Variants in LPP observed in about 807,000 individuals in gnomAD.
LPP encodes the protein lipoma-preferred partner.
Under a neutral mutation model 60.4 loss-of-function variants are expected in LPP, and 38 were observed. The observed-to-expected ratio is 0.63, with a 90% CI of 0.49 to 0.83. LPP has a LOEUF of 0.83. LPP is among the 40% of genes least tolerant of loss of function. The pLI, the probability that LPP is intolerant of heterozygous loss-of-function variation, is 0.00. For synonymous variants in LPP, 328 were observed against 290.8 expected (o/e 1.13, Z -1.30); for missense variants, 902 against 783.6 (o/e 1.15, Z -1.80).
chr3:188,280,723 C>T (rs570677485), intron 2 of LPP, among the ~76,000 whole-genome samples: 3 of 152,100 alleles, frequency 2.0e-5, no homozygotes, highest in East Asian at 3.9e-4. Flanking sequence ...AACCAGTTCC[C>T]GTTTTGTCTG....
In LPP at chr3:188,248,495, T is replaced by TATATAC. The variant is rs1358563921; in HGVS notation, c.-67+22971_-67+22972insTACATA. Among the ~76,000 whole-genome samples, 2 of 138,614 alleles carry TATATAC rather than the reference T, an allele frequency of 1.4e-5. 1 individual carries two copies. The highest frequency in any genetic ancestry group is 5.7e-5 in the African/African-American group (2 of 34,886). The allele number at this position is 138,614 out of a possible 152,430, so 90.9% of individuals were successfully genotyped here. A position where few individuals can be genotyped will look rare whatever the true frequency, so the allele number is the denominator to read the frequency against. The stretch of plus-strand genomic sequence containing the variant: ...ATATATATATATATATATATATATA[T>TATATAC]ATACAGTCAGCAGAGCTTGTTTTGG... On this transcript the variant is annotated intron_variant, in intron 2 of 11. Transcript: ENST00000617246.
chr3:188,154,435 G>A (rs1466483504), intron 1 of LPP, among the ~76,000 whole-genome samples, 183 bp downstream of exon 1: 1 of 152,266 alleles, frequency 6.6e-6, no homozygotes, highest in Non-Finnish European at 1.5e-5. Flanking sequence ...CGCCATGGGG[G>A]AGGGGGACCC....
chr3:188,631,723 C>G (rs1356872852), intron 7 of LPP, among the ~76,000 whole-genome samples: 2 of 152,130 alleles, frequency 1.3e-5, no homozygotes, highest in Non-Finnish European at 2.9e-5. Context: ...TCCCACAAAT[C>G]TGTGTCACAG....
In LPP at chr3:188,519,739, T is replaced by C. The variant is rs528941947; in HGVS notation, c.307-4926T>C. 3.9e-5 allele frequency among the ~76,000 whole-genome samples: 6 copies of C among 152,276 alleles called. No homozygotes were observed. In the South Asian group the frequency reaches 8.3e-4, roughly 21 times the overall value. ...AATCTAATTTATGTAGACAGAAAGC[T>C]AGTGTGATGAAATGGTGGCCACTGA... On this transcript the variant is annotated intron_variant, in intron 5 of 11. Coordinates refer to ENST00000617246, the MANE Select transcript of LPP (RefSeq NM_001375462.1).
intron 2 of LPP, among the ~76,000 whole-genome samples, chr3:188,289,271 T>A (rs534345731): frequency 6.6e-6 from 1 of 152,318 alleles, no homozygotes; most frequent in Non-Finnish European, 1.5e-5. Context: ...CAGACGTGGC[T>A]ATGAGCCCCA....
At chr3:188,331,267 G>C (rs970010284) in intron 2 of LPP, among the ~76,000 whole-genome samples, 2 of 151,862 alleles carry the variant, frequency 1.3e-5, no homozygotes, top group Non-Finnish European at 2.9e-5. Context: ...TCCCACTATT[G>C]GGCTGCTAAA....
At chr3:188,431,211 C>T (rs1790811052) in intron 4 of LPP, among the ~76,000 whole-genome samples, 1 of 152,030 alleles carries the variant, frequency 6.6e-6, no homozygotes. Context: ...TTGAGAACTA[C>T]CAAGAAATTT....
chr3:188,322,054 A>C (rs1757110892), intron 2 of LPP, among the ~76,000 whole-genome samples: 2 of 152,126 alleles, frequency 1.3e-5, no homozygotes, highest in South Asian at 4.1e-4. Flanking sequence ...GTAAAGGGGG[A>C]CAGAAAAGGA....
In LPP at chr3:188,707,027, A is replaced by G. The variant is rs182681240; in HGVS notation, c.1114-1240A>G. ...ATCACATAGCACAAAGCTACTTTAA[A>G]TCTAGTATATGGCCTTTATTCCTTT... is the stretch of plus-strand genomic sequence containing the variant. On this transcript the variant is annotated intron_variant, in intron 7 of 11. Transcript: ENST00000617246. Among the ~76,000 whole-genome samples the G allele has an allele frequency of 6.2e-3, 950 of 152,288 alleles. 6 individuals are homozygous for G. Among genetic ancestry groups the G allele is most frequent in the Non-Finnish European group, 8.9e-3 (607 of 68,018 alleles).
intron 7 of LPP, among the ~76,000 whole-genome samples, chr3:188,645,182 TA>T (rs1850879521): frequency 6.6e-6 from 1 of 152,204 alleles, no homozygotes; most frequent in African/African-American, 2.4e-5. Flanking sequence ...AGTACTTTTA[TA>T]TTTGAATAAG....
intron 3 of LPP, among the ~76,000 whole-genome samples, chr3:188,404,365 C>T (rs960889169): frequency 6.6e-6 from 1 of 152,168 alleles, no homozygotes; most frequent in African/African-American, 2.4e-5. Context: ...CAACCTCAGC[C>T]TCTTGAGTAG....
rs1381599995 is a variant in LPP at position 188,266,059 on chromosome 3, G to A, written c.-67+40532G>A. Among the ~76,000 whole-genome samples the A allele has an allele frequency of 4.6e-5, 7 of 152,042 alleles. No homozygotes were observed. In the East Asian group the frequency reaches 7.7e-4, roughly 17 times the overall value. On this transcript the variant is annotated intron_variant, in intron 2 of 11. Coordinates refer to ENST00000617246, the MANE Select transcript of LPP (RefSeq NM_001375462.1). ...TTCTCATGCTTCTGTAACAAAGTGC[G>A]GCAATGCAGGCTTCTAGAAGGTGAT...
At chr3:188,432,357 A>G (rs746615572) in intron 4 of LPP, among the ~76,000 whole-genome samples, 22 of 152,188 alleles carry the variant, frequency 1.4e-4, no homozygotes, top group Admixed American at 5.2e-4. Flanking sequence ...AGCGATAGCT[A>G]TCAAAAGGAG....
chr3:188,470,561 C>T (rs1163199955), intron 4 of LPP, among the ~76,000 whole-genome samples: 1 of 152,082 alleles, frequency 6.6e-6, no homozygotes. Context: ...AGGGAGCACA[C>T]AGTTTAGTGA....
chr3:188,330,025 C>T (rs188533661), intron 2 of LPP, among the ~76,000 whole-genome samples: 1 of 152,296 alleles, frequency 6.6e-6, no homozygotes, highest in Admixed American at 6.5e-5. Context: ...CTTGCTCTCC[C>T]TCCCCATCCT....
intron 7 of LPP, among the ~76,000 whole-genome samples, chr3:188,624,962 C>A (rs926115163): frequency 5.3e-5 from 8 of 151,730 alleles, no homozygotes; most frequent in African/African-American, 1.9e-4. Context: ...TTTTTAACCA[C>A]ATGATTTCTA....
At chr3:188,197,867 C>A (rs79563838) in intron 1 of LPP, among the ~76,000 whole-genome samples, 6,009 of 152,294 alleles carry the variant, frequency 0.039, 155 homozygotes, top group South Asian at 0.097. Flanking sequence ...ATACATTTTT[C>A]CATTAGGCGT....
chr3:188,577,632 A>C (rs986958753), intron 6 of LPP, among the ~76,000 whole-genome samples: 12 of 151,790 alleles, frequency 7.9e-5, no homozygotes, highest in Non-Finnish European at 1.8e-4. Context: ...CAAGTAAAAA[A>C]ACTTTAGTAA....
chr3:188,873,509 A>G (rs1228177505), intron 11 of LPP, among the ~76,000 whole-genome samples: 1 of 152,228 alleles, frequency 6.6e-6, no homozygotes, highest in Non-Finnish European at 1.5e-5. Flanking sequence ...TAACTGTTAT[A>G]TAACACTTTT....
Sources: allele counts gnomAD v4.1 joint callset (sites outside exome capture counted in the v4.1 genomes callset), GRCh38; gene constraint gnomAD v4.1.1; transcripts MANE v1.5; gene names NCBI Gene and HGNC (gene_info 2026-07-23, HGNC 2026-07-21).